Variants in DMXL2 observed in about 807,000 individuals in gnomAD.
DMXL2 encodes the protein Dmx like 2, also known as dmX-like protein 2.
DMXL2 carries 103 observed loss-of-function variants against 331.1 expected under a neutral mutation model. The observed-to-expected ratio is 0.31, with a 90% CI of 0.27 to 0.37. The LOEUF is 0.37. Among genes scored for constraint, DMXL2 ranks in the 10% least tolerant of loss-of-function variants. The probability of loss-of-function intolerance (pLI) is 1.00; values close to 1 mark genes in which losing one functional copy is unlikely to be tolerated. For synonymous variants in DMXL2, 1,281 were observed against 1,252.1 expected (o/e 1.02, Z -0.49); for missense variants, 3,171 against 3,642.9 (o/e 0.87, Z 3.33).
chr15:51,476,701 A>T lies in DMXL2; in HGVS notation c.6852T>A (p.Asn2284Lys). 2 of 1,602,636 alleles carry T rather than the reference A, an allele frequency of 1.2e-6. No individual in the cohort carries two copies. Among genetic ancestry groups the T allele is most frequent in the Non-Finnish European group, 1.7e-6 (2 of 1,177,086 alleles). The change falls in exon 27 of 44, where the codon AAT becomes AAA. Residue 2284 changes from asparagine (N) to lysine (K), a missense_variant. This residue lies in a region of DMXL2 where 766 missense variants were observed against 940.5 expected (regional missense o/e 0.81). Coordinates refer to ENST00000560891, the MANE Select transcript of DMXL2 (RefSeq NM_001378457.1). ...SHSYSSQTEG[N>K]QFTGMAYQGL... ...CTTGATAAGCCATTCCTGTAAACTGATTTCCTTCTGTTTGACTGCTAAAAC... is the reference window on the plus strand; with the variant it reads ...CTTGATAAGCCATTCCTGTAAACTGTTTTCCTTCTGTTTGACTGCTAAAAC...
At chr15:51,462,481 A>G (rs2040212284) in intron 33 of DMXL2, among the ~76,000 whole-genome samples, 2 of 152,052 alleles carry the variant, frequency 1.3e-5, no homozygotes. Context: ...GATTACAGAC[A>G]TGCGCCACCA....
intron 1 of DMXL2, among the ~76,000 whole-genome samples, chr15:51,612,516 C>T (rs2054038382): frequency 6.6e-6 from 1 of 152,116 alleles, no homozygotes; most frequent in African/African-American, 2.4e-5. Context: ...GGAGACATCA[C>T]ATGTCAGCAG....
intron 40 of DMXL2, among the ~76,000 whole-genome samples, chr15:51,454,421 G>C (rs778166357): frequency 6.6e-6 from 1 of 151,942 alleles, no homozygotes; most frequent in Non-Finnish European, 1.5e-5. Flanking sequence ...TTTGGATTAA[G>C]GTGGCTCATT....
At chr15:51,473,969 T>A (rs969267491) in intron 28 of DMXL2, among the ~76,000 whole-genome samples, 2 of 152,138 alleles carry the variant, frequency 1.3e-5, no homozygotes, top group African/African-American at 4.8e-5. Flanking sequence ...TTAAATTTTC[T>A]TCTTTCTGTA....
chr15:51,550,671 T>C (rs1220735988), intron 6 of DMXL2, among the ~76,000 whole-genome samples: 1 of 152,182 alleles, frequency 6.6e-6, no homozygotes, highest in Non-Finnish European at 1.5e-5. Flanking sequence ...TAACCAAGTG[T>C]TATTTTTTAA....
chr15:51,494,807 A>G (rs544376707), intron 19 of DMXL2, among the ~76,000 whole-genome samples: 16 of 152,308 alleles, frequency 1.1e-4, no homozygotes, highest in African/African-American at 3.8e-4. Flanking sequence ...TAGTAAATAA[A>G]TTCTAAAAAA....
chr15:51,531,134 C>A (rs1250849013), intron 13 of DMXL2, among the ~76,000 whole-genome samples: 1 of 152,124 alleles, frequency 6.6e-6, no homozygotes, highest in Non-Finnish European at 1.5e-5. Flanking sequence ...TCAAATAATA[C>A]TGCAGAGTTA....
chr15:51,544,213 G>A (rs557700826), intron 8 of DMXL2, among the ~76,000 whole-genome samples: 2 of 152,214 alleles, frequency 1.3e-5, no homozygotes, highest in African/African-American at 2.4e-5. Flanking sequence ...AGCCTGGTGG[G>A]AGCTGTTTGG....
At chr15:51,578,446 T>C (rs1291142769) in intron 1 of DMXL2, among the ~76,000 whole-genome samples, 1 of 152,168 alleles carries the variant, frequency 6.6e-6, no homozygotes, top group African/African-American at 2.4e-5. Context: ...TTGCCTGATG[T>C]TTTCCAGAGA....
intron 1 of DMXL2, among the ~76,000 whole-genome samples, chr15:51,620,467 G>A (rs549504692): frequency 1.1e-4 from 16 of 152,310 alleles, no homozygotes; most frequent in Middle Eastern, 3.4e-3. Flanking sequence ...GCCAAAGTGA[G>A]GAGTACATAT....
intron 29 of DMXL2, among the ~76,000 whole-genome samples, chr15:51,469,373 T>G (rs1407191381): frequency 6.6e-6 from 1 of 152,196 alleles, no homozygotes; most frequent in East Asian, 1.9e-4. Context: ...TCTCTCCTTT[T>G]GTGTATGTTG....
intron 1 of DMXL2, among the ~76,000 whole-genome samples, chr15:51,614,953 GA>G: frequency 6.6e-6 from 1 of 152,296 alleles, no homozygotes; most frequent in African/African-American, 2.4e-5. Flanking sequence ...TTATCCAGGG[GA>G]AAAAAATGAT....
intron 15 of DMXL2, among the ~76,000 whole-genome samples, chr15:51,512,814 C>T (rs1315006600): frequency 1.2e-4 from 15 of 124,018 alleles, no homozygotes; most frequent in African/African-American, 4.2e-4. Flanking sequence ...AACTCTGTCT[C>T]GGAAAAAAAA....
Position 51,480,108 on chromosome 15 carries a change from AGTGGAGACTGGAG to A in DMXL2, c.6583_6595del (p.Leu2195TyrfsTer21). ...CAGAGGTAGGGTGGTAGGCAGTGGT[AGTGGAGACTGGAG>A]CTGCTTTACTGTAGTTTCCTGTGGG... is the stretch of plus-strand genomic sequence containing the variant. On this transcript the variant is annotated frameshift_variant, in exon 25 of 44. Coordinates refer to ENST00000560891, the MANE Select transcript of DMXL2 (RefSeq NM_001378457.1). LOFTEE classifies it high-confidence loss of function. 1 of 1,576,822 alleles carries A rather than the reference AGTGGAGACTGGAG, an allele frequency of 6.3e-7. No individual in the cohort carries two copies. The highest frequency in any genetic ancestry group is 8.7e-7 in the Non-Finnish European group (1 of 1,153,534).
At chr15:51,612,928 G>A (rs959126816) in intron 1 of DMXL2, among the ~76,000 whole-genome samples, 5 of 152,118 alleles carry the variant, frequency 3.3e-5, no homozygotes, top group Non-Finnish European at 7.4e-5. Context: ...CCTTAGGGAC[G>A]CCTTCTCTTT....
chr15:51,521,061 C>T (rs1567062149), intron 13 of DMXL2, among the ~76,000 whole-genome samples: 1 of 152,024 alleles, frequency 6.6e-6, no homozygotes, highest in Non-Finnish European at 1.5e-5. Context: ...TTTTTATACT[C>T]ACATTTCATC....
chr15:51,495,925 T>G (rs142678655), intron 18 of DMXL2, among the ~76,000 whole-genome samples: 1 of 152,088 alleles, frequency 6.6e-6, no homozygotes, highest in Non-Finnish European at 1.5e-5. Context: ...TCCATCCATC[T>G]ATTTATTTAG....
Position 51,481,578 on chromosome 15 carries a change from T to C in DMXL2, c.5528A>G (p.Tyr1843Cys). The stretch of plus-strand genomic sequence containing the variant: ...AATGAGCAAAGGATGAGTTCGAAGG[T>C]AGTTATAAAAACTAAATGCCACCGG... ...CNPVAFSFYN[Y>C]LRTHPLLIRR... Residue 1843 changes from tyrosine to cysteine, a missense_variant, in exon 24 of 44, where the codon TAC becomes TGC. Physicochemically the swap from Tyr to Cys is radical, Grantham distance 194 (BLOSUM62 -2). Transcript: ENST00000560891. 6.3e-7 allele frequency: 1 copy of C among 1,581,592 alleles called. No individual in the cohort carries two copies. Among genetic ancestry groups the C allele is most frequent in the Non-Finnish European group, 8.6e-7 (1 of 1,168,704 alleles).
intron 19 of DMXL2, among the ~76,000 whole-genome samples, chr15:51,494,547 T>C (rs866568472): frequency 2.7e-4 from 41 of 152,228 alleles, no homozygotes; most frequent in African/African-American, 8.7e-4. Flanking sequence ...AAATCAGGTG[T>C]AGCAGTATGC....
Sources: gnomAD v4.1 joint callset for allele counts (sites outside exome capture counted in the v4.1 genomes callset) on GRCh38, gnomAD v4.1.1 for gene constraint, gnomAD v4.1.1 regional missense constraint, MANE v1.5 for transcripts, NCBI Gene and HGNC (gene_info 2026-07-23, HGNC 2026-07-21) for gene names.